RIF1: variants seen among roughly 807,000 people sequenced by gnomAD.
The protein encoded by RIF1 is telomere-associated protein RIF1.
Under a neutral mutation model 247.1 loss-of-function variants are expected in RIF1, and 45 were observed. The observed-to-expected ratio is 0.18, with a 90% CI of 0.14 to 0.23. The LOEUF is 0.23. RIF1 is among the 10% of genes least tolerant of loss of function. The pLI, the probability that RIF1 is intolerant of heterozygous loss-of-function variation, is 1.00. For missense variants in RIF1, 2,967 were observed against 2,862.5 expected, an observed-to-expected ratio of 1.04 and a Z score of -0.83; for synonymous variants, 1,087 against 978.8, an observed-to-expected ratio of 1.11 and a Z score of -2.06.
chr2:151,513,550 G>T, the RIF1 span: 1 of 1,501,636 alleles, frequency 6.7e-7, no homozygotes, highest in South Asian at 1.2e-5. Flanking sequence ...CTACTTTCCT[G>T]AAAGATTGAC....
intron 20 of RIF1, among the ~76,000 whole-genome samples, chr2:151,450,607 ACGGAGCCT>A (rs1479689321): frequency 4.7e-5 from 7 of 149,586 alleles, no homozygotes; most frequent in African/African-American, 1.7e-4. Flanking sequence ...TTTTTTTTTG[ACGGAGCCT>A]CGCTCTGTCG....
chr2:151,446,321 T>A, intron 19 of RIF1, 105 bp from the exon 20 acceptor site: 555 of 980,332 alleles, frequency 5.7e-4, no homozygotes, highest in East Asian at 1.5e-3. Flanking sequence ...TTTGACACAC[T>A]AAATGTTGCA....
chr2:151,524,655 T>TC, the RIF1 span: 22 of 67,788 alleles, frequency 3.2e-4, no homozygotes, highest in African/African-American at 1.9e-3. Flanking sequence ...AGAGAGAGGC[T>TC]TTTTTTTTTT....
intron 13 of RIF1, 41 bp from the exon 14 acceptor site, chr2:151,438,643 T>G (rs772087785): frequency 7.7e-7 from 1 of 1,305,554 alleles, no homozygotes; most frequent in South Asian, 1.2e-5. Flanking sequence ...CGTAGTCATA[T>G]GTACTTCATT....
intron 20 of RIF1, among the ~76,000 whole-genome samples, chr2:151,450,240 A>T (rs1056524562): frequency 1.3e-5 from 2 of 151,876 alleles, no homozygotes; most frequent in Admixed American, 6.6e-5. Context: ...CTATTTTATC[A>T]TTAATTTTTT....
chr2:151,512,399 G>A (rs887066755), downstream of RIF1, among the ~76,000 whole-genome samples: 1 of 151,362 alleles, frequency 6.6e-6, no homozygotes, highest in Non-Finnish European at 1.5e-5. Flanking sequence ...AGTCACAGCT[G>A]ACTGCAGCCT....
At chr2:151,414,389 C>A (rs1025192435) in intron 3 of RIF1, among the ~76,000 whole-genome samples, 3 of 152,074 alleles carry the variant, frequency 2.0e-5, no homozygotes, top group Non-Finnish European at 4.4e-5. Flanking sequence ...ATAATAGATA[C>A]TTTATAAACG....
At chr2:151,514,357 G>A in the RIF1 span, 1 of 1,613,802 alleles carries the variant, frequency 6.2e-7, no homozygotes, top group Non-Finnish European at 8.5e-7. Context: ...CTCTTAGCAT[G>A]TCAGGTGTAT....
intron 8 of RIF1, among the ~76,000 whole-genome samples, chr2:151,427,961 G>A (rs1689417611): frequency 6.6e-6 from 1 of 152,176 alleles, no homozygotes; most frequent in African/African-American, 2.4e-5. Flanking sequence ...GGAGGCTGAG[G>A]CAGGAGAGTC....
At chr2:151,421,983 AACCAT>A (rs1688255298) in intron 7 of RIF1, among the ~76,000 whole-genome samples, 1 of 151,826 alleles carries the variant, frequency 6.6e-6, no homozygotes, top group Non-Finnish European at 1.5e-5. Flanking sequence ...AGGCACCTGC[AACCAT>A]GCCCGACCGA....
In RIF1 at chr2:151,465,148, T is replaced by G. The variant is rs138726655; in HGVS notation, c.5628T>G (p.Ser1876=). 6.2e-7 allele frequency: 1 copy of G among 1,613,654 alleles called. No homozygotes were observed. The highest frequency in any genetic ancestry group is 8.5e-7 in the Non-Finnish European group (1 of 1,179,902). Residue 1876 remains serine, a synonymous_variant, in exon 30 of 36, where the codon TCT becomes TCG. Coordinates refer to ENST00000444746, the MANE Select transcript of RIF1 (RefSeq NM_018151.5). The stretch of plus-strand genomic sequence containing the variant: ...ACTCGAAAAATGTTTCACAGGAATC[T>G]TTGGAGACAAAAGAAGAAAAACCAG... The part of the protein sequence containing the change: ...LGDSKNVSQE[S]LETKEEKPEE...
chr2:151,508,211 G>C (rs1422645018), downstream of RIF1: 8 of 693,298 alleles, frequency 1.2e-5, no homozygotes, highest in Admixed American at 2.8e-5. Context: ...TCAGCAGAGG[G>C]AAAGTCCTTT....
At chr2:151,457,668 A>C in intron 23 of RIF1, 93 bp from the exon 24 acceptor site, 2 of 901,798 alleles carry the variant, frequency 2.2e-6, no homozygotes, top group Non-Finnish European at 3.4e-6. Context: ...GTTAGTTTAA[A>C]ATTGTCTTAA....
chr2:151,416,623 G>A lies in RIF1; in HGVS notation c.343G>A (p.Val115Ile). 6.8e-6 allele frequency: 11 copies of A among 1,609,986 alleles called. No individual in the cohort carries two copies. The highest frequency in any genetic ancestry group is 9.3e-6 in the Non-Finnish European group (11 of 1,179,098). The stretch of plus-strand genomic sequence containing the variant: ...TACCATTAAGAATTCAGACAAAAAT[G>A]TACGTACTAGAGCACTTTGGGTGAT... ...NDTIKNSDKN[V>I]RTRALWVISK... The change falls in exon 5 of 36, where the codon GTA becomes ATA. Residue 115 changes from valine (V) to isoleucine (I), a missense_variant. Val to Ile is a conservative substitution (Grantham distance 29). This residue lies in a region of RIF1 where 269 missense variants were observed against 288.6 expected (regional missense o/e 0.93). Coordinates refer to ENST00000444746, the MANE Select transcript of RIF1 (RefSeq NM_018151.5).
At chr2:151,461,323 G>C in intron 27 of RIF1, 34 bp downstream of exon 27, 1 of 1,595,754 alleles carries the variant, frequency 6.3e-7, no homozygotes, top group Non-Finnish European at 8.6e-7. Flanking sequence ...TTGGGTATTT[G>C]GTATTCAGGC....
chr2:151,474,218 T>C lies in RIF1; in HGVS notation c.7204+146T>C, dbSNP rs1189093928. 8.4e-6 allele frequency: 5 copies of C among 597,424 alleles called. No homozygotes were observed. The East Asian group carries it at 8.8e-5, about 11-fold the overall frequency. 37.0% of individuals were successfully genotyped at this position (597,424 alleles called of 1,614,324 possible). ...GTGAAGTATATGAAAAACTAACCGA[T>C]TGGACATCAAATGTGTCTACTTGTT... On this transcript the variant is annotated intron_variant, in intron 35 of 35. Transcript: ENST00000444746.
At chr2:151,424,224 C>T (rs1455282325) in intron 8 of RIF1, among the ~76,000 whole-genome samples, 1 of 152,164 alleles carries the variant, frequency 6.6e-6, no homozygotes, top group African/African-American at 2.4e-5. Flanking sequence ...CTGCCTCAGC[C>T]TCCTGAGTAG....
At position 151,477,612 on chromosome 2, in the gene RIF1, AC is replaced by A. The variant is rs1337243741; in HGVS notation, c.*2542del. 1 of 151,924 alleles carries A rather than the reference AC, an allele frequency of 6.6e-6. No individual in the cohort carries two copies. Among genetic ancestry groups the A allele is most frequent in the Non-Finnish European group, 1.5e-5 (1 of 68,070 alleles). 9.4% of individuals were successfully genotyped at this position (151,924 alleles called of 1,614,324 possible). On this transcript the variant is annotated 3_prime_UTR_variant, in exon 36 of 36. Coordinates refer to ENST00000444746, the MANE Select transcript of RIF1 (RefSeq NM_018151.5). ...TATATTTTTAGTAGAGAAGGGGTTCACTGTGTTAGCCAGGATGGTCTTGATC... is the reference window on the plus strand; with the variant it reads ...TATATTTTTAGTAGAGAAGGGGTTCATGTGTTAGCCAGGATGGTCTTGATC...
Position 151,458,925 on chromosome 2 carries a change from T to A in RIF1, c.2955+15T>A, listed in dbSNP as rs766113681. The A allele has an allele frequency of 1.4e-6, 2 of 1,447,150 alleles. No homozygotes were observed. Among genetic ancestry groups the A allele is most frequent in the Non-Finnish European group, 1.9e-6 (2 of 1,041,682 alleles). The allele number at this position is 1,447,150 out of a possible 1,614,324, so 89.6% of individuals were successfully genotyped here. On this transcript the variant is annotated intron_variant, in intron 25 of 35. Coordinates refer to ENST00000444746, the MANE Select transcript of RIF1 (RefSeq NM_018151.5). ...ATTCTGATGGAGTAAGTTGGGGGGT[T>A]TTATTGTTCATTTGTTTTTGGACAT...
Sources: allele counts gnomAD v4.1 joint callset (sites outside exome capture counted in the v4.1 genomes callset), GRCh38; gene constraint gnomAD v4.1.1; regional missense constraint gnomAD v4.1.1; transcripts MANE v1.5; gene names NCBI Gene and HGNC (gene_info 2026-07-23, HGNC 2026-07-21).